DTD1: variants seen among roughly 807,000 people sequenced by gnomAD.
DTD1 encodes D-tyrosyl-tRNA deacylase 1 homolog.
Under a neutral mutation model 25.6 loss-of-function variants are expected in DTD1, and 13 were observed. The observed-to-expected ratio is 0.51, with a 90% CI of 0.33 to 0.81. DTD1 has a LOEUF of 0.81. Ranked by LOEUF, DTD1 falls within the 30% of genes least tolerant of loss-of-function variation. The probability of loss-of-function intolerance (pLI) is 0.02; values close to 1 mark genes in which losing one functional copy is unlikely to be tolerated. For missense variants in DTD1, 193 were observed against 266.4 expected, an observed-to-expected ratio of 0.72 and a Z score of 1.92; for synonymous variants, 110 against 103.6, an observed-to-expected ratio of 1.06 and a Z score of -0.37.
At chr20:18,685,674 A>C (rs1422376401) in intron 4 of DTD1, among the ~76,000 whole-genome samples, 1 of 152,228 alleles carries the variant, frequency 6.6e-6, no homozygotes, top group African/African-American at 2.4e-5. Context: ...CTAAAAACCA[A>C]ATCAGCACAT....
At chr20:18,629,712 A>AG (rs2060776128) in intron 4 of DTD1, among the ~76,000 whole-genome samples, 2 of 152,216 alleles carry the variant, frequency 1.3e-5, no homozygotes, top group Middle Eastern at 6.8e-3. Flanking sequence ...ATTAAAAAAA[A>AG]GAGGTTTAAT....
Position 18,628,250 on chromosome 20 carries a change from G to A in DTD1, c.477+17G>A. 6.2e-7 allele frequency: 1 copy of A among 1,605,610 alleles called. No individual in the cohort carries two copies. Among genetic ancestry groups the A allele is most frequent in the Non-Finnish European group, 8.5e-7 (1 of 1,172,834 alleles). ...CCAAAGCAGGTAAGCCTGGAGTCTG[G>A]TGCCTGGCTCCGTCCCTTGGGTGCC... is the stretch of plus-strand genomic sequence containing the variant. On this transcript the variant is annotated intron_variant, in intron 4 of 5. Coordinates refer to ENST00000377452, the MANE Select transcript of DTD1 (RefSeq NM_080820.6).
chr20:18,642,247 T>A (rs1164833360), intron 4 of DTD1, among the ~76,000 whole-genome samples: 3 of 152,126 alleles, frequency 2.0e-5, no homozygotes, highest in African/African-American at 7.2e-5. Flanking sequence ...CATTGACATT[T>A]TACTAGCAGC....
chr20:18,736,544 C>T (rs892657590), intron 4 of DTD1, among the ~76,000 whole-genome samples: 1 of 152,240 alleles, frequency 6.6e-6, no homozygotes, highest in Non-Finnish European at 1.5e-5. Context: ...AGAGGCAAAT[C>T]GCAATTCCCT....
chr20:18,613,509 T>C (rs1222058224), intron 3 of DTD1, among the ~76,000 whole-genome samples: 1 of 152,246 alleles, frequency 6.6e-6, no homozygotes, highest in Non-Finnish European at 1.5e-5. Flanking sequence ...GGGCTTCTGC[T>C]GCCAGTGCTG....
At chr20:18,698,097 A>T (rs2061086665) in intron 4 of DTD1, among the ~76,000 whole-genome samples, 1 of 152,216 alleles carries the variant, frequency 6.6e-6, no homozygotes, top group East Asian at 1.9e-4. Context: ...CCTTTGTATG[A>T]GCAAATCAGT....
intron 5 of DTD1, among the ~76,000 whole-genome samples, chr20:18,746,163 C>T (rs894923149): frequency 1.3e-5 from 2 of 152,088 alleles, no homozygotes; most frequent in Admixed American, 6.5e-5. Flanking sequence ...TGATGCCAGT[C>T]GTCTGCTGAG....
chr20:18,598,664 AT>A (rs997028433), intron 3 of DTD1, among the ~76,000 whole-genome samples: 4 of 132,924 alleles, frequency 3.0e-5, no homozygotes, highest in East Asian at 2.1e-4. Context: ...CACCCGGCTA[AT>A]TTTTTTTTGT....
At chr20:18,593,526 T>C (rs1196010841) in intron 1 of DTD1, among the ~76,000 whole-genome samples, 1 of 152,206 alleles carries the variant, frequency 6.6e-6, no homozygotes, top group Non-Finnish European at 1.5e-5. Flanking sequence ...TCCCATTCAT[T>C]CCAGAGATAA....
intron 5 of DTD1, among the ~76,000 whole-genome samples, chr20:18,748,720 G>T (rs1250059660): frequency 6.6e-6 from 1 of 152,180 alleles, no homozygotes; most frequent in South Asian, 2.1e-4. Context: ...TTTACGAGGG[G>T]AATTCTCATG....
intron 3 of DTD1, among the ~76,000 whole-genome samples, chr20:18,612,457 A>C (rs193123160): frequency 1.3e-5 from 2 of 152,196 alleles, no homozygotes; most frequent in Admixed American, 6.5e-5. Context: ...GAATACTCAC[A>C]ACAATTCTAA....
Position 18,765,680 on chromosome 20 carries a change from C to T in DTD1, c.*2340C>T, listed in dbSNP as rs2061376960. The T allele has an allele frequency of 6.6e-6, 1 of 152,200 alleles. No homozygotes were observed. The highest frequency in any genetic ancestry group is 1.5e-5 in the Non-Finnish European group (1 of 68,034). The allele number at this position is 152,200 out of a possible 1,614,324, so 9.4% of individuals were successfully genotyped here. A position where few individuals can be genotyped will look rare whatever the true frequency, so the allele number is the denominator to read the frequency against. On this transcript the variant is annotated 3_prime_UTR_variant, in exon 6 of 6. Coordinates refer to ENST00000377452, the MANE Select transcript of DTD1 (RefSeq NM_080820.6). ...AAAGGTGGTTAATTTCCACCCCCAC[C>T]TACACTCCTGAAGGTCCTTTCCTAG...
At chr20:18,753,607 C>CAAAAA (rs58081760) in intron 5 of DTD1, among the ~76,000 whole-genome samples, 3 of 65,362 alleles carry the variant, frequency 4.6e-5, no homozygotes, top group Admixed American at 4.1e-4. Flanking sequence ...AACTCTGTCT[C>CAAAAA]AAAAAAAAAA....
At chr20:18,709,533 G>A (rs906291823) in intron 4 of DTD1, among the ~76,000 whole-genome samples, 4 of 152,304 alleles carry the variant, frequency 2.6e-5, no homozygotes, top group Middle Eastern at 6.8e-3. Flanking sequence ...AGACTGGCAA[G>A]TTCTGTCCAC....
chr20:18,733,264 G>A (rs1006721961), intron 4 of DTD1, among the ~76,000 whole-genome samples: 4 of 152,128 alleles, frequency 2.6e-5, no homozygotes, highest in Non-Finnish European at 4.4e-5. Context: ...CTTAACTTCT[G>A]GACACTTCTG....
At chr20:18,710,987 G>A (rs1278107157) in intron 4 of DTD1, among the ~76,000 whole-genome samples, 3 of 152,158 alleles carry the variant, frequency 2.0e-5, no homozygotes, top group South Asian at 2.1e-4. Context: ...TGAATTTTTC[G>A]TGAAGTTACT....
In DTD1 at chr20:18,649,343, T is replaced by C. The variant is rs1019736398; in HGVS notation, c.477+21110T>C. 2.1e-4 allele frequency among the ~76,000 whole-genome samples: 25 copies of C among 116,744 alleles called. 1 individual carries two copies. Among genetic ancestry groups the C allele is most frequent in the African/African-American group, 7.4e-4 (24 of 32,342 alleles). 76.6% of individuals were successfully genotyped at this position (116,744 alleles called of 152,430 possible). A position where few individuals can be genotyped will look rare whatever the true frequency, so the allele number is the denominator to read the frequency against. ...TCATCTTTCTTTTTTTTTTTTTTTT[T>C]TTTTTTTTTTTTTGAGATGGAGTCT... On this transcript the variant is annotated intron_variant, in intron 4 of 5. Transcript: ENST00000377452.
At chr20:18,637,535 G>A (rs1187871075) in intron 4 of DTD1, among the ~76,000 whole-genome samples, 1 of 152,206 alleles carries the variant, frequency 6.6e-6, no homozygotes, top group African/African-American at 2.4e-5. Context: ...TTTAAGACTT[G>A]TAGTTGAAAG....
chr20:18,600,057 G>C (rs972670802), intron 3 of DTD1, among the ~76,000 whole-genome samples: 1 of 152,006 alleles, frequency 6.6e-6, no homozygotes, highest in African/African-American at 2.4e-5. Context: ...TCTGTGGCTT[G>C]TCTTTTCATT....
Sources: allele counts gnomAD v4.1 joint callset (sites outside exome capture counted in the v4.1 genomes callset), GRCh38; gene constraint gnomAD v4.1.1; transcripts MANE v1.5; gene names NCBI Gene and HGNC (gene_info 2026-07-23, HGNC 2026-07-21).